The following TRAK1 variants were observed in gnomAD, a reference collection of about 807,000 sequenced individuals.
TRAK1 encodes trafficking kinesin-binding protein 1.
In TRAK1, 33 loss-of-function variants were observed where a neutral mutation model predicts 92.1. The ratio of observed to expected loss-of-function variants is 0.36; its 90% CI spans 0.27 to 0.48. The LOEUF (loss-of-function observed/expected upper bound fraction) is 0.48. TRAK1 is among the 20% of genes least tolerant of loss of function. TRAK1 has a pLI of 0.99. For synonymous variants in TRAK1, 521 were observed against 517.3 expected (o/e 1.01, Z -0.10); for missense variants, 1,123 against 1,257.9 (o/e 0.89, Z 1.62).
intron 2 of TRAK1, among the ~76,000 whole-genome samples, chr3:42,159,619 A>G (rs1189782397): frequency 6.6e-6 from 1 of 152,232 alleles, no homozygotes; most frequent in African/African-American, 2.4e-5. Context: ...GATTTAGGGT[A>G]AGAGCAGGAT....
rs183880245 is a variant in TRAK1 at position 42,127,290 on chromosome 3, T to A, written c.286+1676T>A. Among the ~76,000 whole-genome samples the A allele has an allele frequency of 6.6e-5, 10 of 152,228 alleles. No homozygotes were observed. The East Asian group carries it at 1.9e-3, about 29-fold the overall frequency. On this transcript the variant is annotated intron_variant, in intron 2 of 15. Transcript: ENST00000327628. ...TCCTTAGGAGACCCTCTTGTGATTC[T>A]GCAGTACCTATCATGGCCATTTCTC...
upstream of TRAK1, among the ~76,000 whole-genome samples, chr3:42,090,707 C>CA (rs780874207): frequency 1.3e-3 from 200 of 152,170 alleles, 1 homozygote; most frequent in East Asian, 9.6e-4. Flanking sequence ...ACAGCAACAA[C>CA]AAAAAACACA....
At chr3:42,219,469 A>G (rs1236292009) in intron 14 of TRAK1, 25 bp from the exon 15 acceptor site, 5 of 1,613,732 alleles carry the variant, frequency 3.1e-6, no homozygotes, top group Non-Finnish European at 4.2e-6. Flanking sequence ...GATGCAAGGA[A>G]TATGTTTTGT....
At chr3:42,152,888 G>T (rs1700109765) in intron 2 of TRAK1, among the ~76,000 whole-genome samples, 1 of 152,152 alleles carries the variant, frequency 6.6e-6, no homozygotes, top group Admixed American at 6.5e-5. Context: ...TGTACTTCAT[G>T]TGGCCATGTG....
rs1707809597 is a variant in TRAK1, at chr3:42,202,768, C to T, written c.1744+16C>T. 2 of 1,612,718 alleles carry T rather than the reference C, an allele frequency of 1.2e-6. No individual in the cohort carries two copies. The highest frequency in any genetic ancestry group is 1.7e-6 in the Non-Finnish European group (2 of 1,179,070). ...CCGCTGGAAGGTGATCACGCGGGGC[C>T]TCGGCCCCTCTCTGTCCTCCTGGGG... On this transcript the variant is annotated intron_variant, in intron 13 of 15. Transcript: ENST00000327628. The surrounding 1 kb of genome is among the most constrained non-coding windows in gnomAD (Gnocchi z 6.1).
chr3:42,202,374 C>G lies in TRAK1; in HGVS notation c.1428-62C>G. Reference sequence around the variant, plus strand: ...CGTCCACCGCTGTGCATTGAGCAGTCGGGCCTCTGTGGCCTTGGAGCCCTG... The same window carrying G: ...CGTCCACCGCTGTGCATTGAGCAGTGGGGCCTCTGTGGCCTTGGAGCCCTG... On this transcript the variant is annotated intron_variant, in intron 12 of 15. Transcript: ENST00000327628. This position sits in a 1 kb window ranked among gnomAD's most constrained non-coding sequence, Gnocchi z 6.1. The G allele has an allele frequency of 7.0e-7, 1 of 1,435,236 alleles. No individual in the cohort carries two copies. The highest frequency in any genetic ancestry group is 1.8e-5 in the South Asian group (1 of 56,596). The allele number at this position is 1,435,236 out of a possible 1,614,324, so 88.9% of individuals were successfully genotyped here.
chr3:42,160,198 C>T, intron 2 of TRAK1: 2 of 1,343,294 alleles, frequency 1.5e-6, no homozygotes, highest in East Asian at 3.0e-5. Flanking sequence ...GCTTTGTGTA[C>T]ACCCCTCCAC....
At chr3:42,125,317 G>C in intron 1 of TRAK1, 103 bp from the exon 2 acceptor site, 1 of 1,015,372 alleles carries the variant, frequency 9.8e-7, no homozygotes, top group Non-Finnish European at 1.4e-6. Context: ...TTGTGCTGTA[G>C]ATAAATAACC....
Position 42,193,905 on chromosome 3 carries a change from A to C in TRAK1, c.975+7A>C, listed in dbSNP as rs1706193190. 2.5e-6 allele frequency: 4 copies of C among 1,612,882 alleles called. No homozygotes were observed. The African/African-American group carries it at 5.3e-5, about 22-fold the overall frequency. ...GCGGCAGCTCACAGCCGAGGTGAGC[A>C]CCTCTCCCTCATTCCTTCAGTGCCT... On this transcript the variant is annotated splice_region_variant and intron_variant, in intron 9 of 15. Coordinates refer to ENST00000327628, the MANE Select transcript of TRAK1 (RefSeq NM_001042646.3).
At chr3:42,093,648 TCCCC>T (rs1705431309) in intron 1 of TRAK1, among the ~76,000 whole-genome samples, 1 of 67,172 alleles carries the variant, frequency 1.5e-5, no homozygotes, top group African/African-American at 5.5e-5. Context: ...CTCTTTTTTC[TCCCC>T]TTCCCTTCCC....
intron 1 of TRAK1, 80 bp from the exon 2 acceptor site, chr3:42,125,340 C>T (rs796256629): frequency 1.3e-5 from 17 of 1,322,178 alleles, no homozygotes; most frequent in Middle Eastern, 2.3e-4. Context: ...AGATACCTGC[C>T]GCAGGCTACA....
At position 42,069,320 on chromosome 3, in the gene TRAK1, C is replaced by CAAAA. The variant is rs67809792; in HGVS notation, c.-518-17776_-518-17773dup. Among the ~76,000 whole-genome samples the CAAAA allele has an allele frequency of 2.8e-4, 38 of 137,276 alleles. 4 individuals are homozygous for CAAAA. Among genetic ancestry groups the CAAAA allele is most frequent in the Non-Finnish European group, 3.9e-4 (25 of 64,226 alleles). The allele number at this position is 137,276 out of a possible 152,430, so 90.1% of individuals were successfully genotyped here. ...TGGGTGACACAGCAAGACCCTGTCTCAAAAAAAAAAAGAAAAAAGAAAAGT... is the reference window on the plus strand; with the variant it reads ...TGGGTGACACAGCAAGACCCTGTCTCAAAAAAAAAAAAAAAGAAAAAAGAAAAGT... On this transcript the variant is annotated intron_variant, in intron 1 of 16. Transcript: ENST00000487159.
At chr3:42,043,624 G>A (rs932773988) in intron 1 of TRAK1, among the ~76,000 whole-genome samples, 9 of 151,480 alleles carry the variant, frequency 5.9e-5, no homozygotes, top group Admixed American at 1.3e-4. Context: ...CTGGGGGGGG[G>A]GCGGGGGGAG....
chr3:42,208,555 G>A (rs925458906), intron 13 of TRAK1, among the ~76,000 whole-genome samples: 5 of 152,050 alleles, frequency 3.3e-5, no homozygotes, highest in African/African-American at 7.2e-5. Context: ...CCTTTTCTTC[G>A]CTCCCCAGGG....
intron 1 of TRAK1, among the ~76,000 whole-genome samples, chr3:42,077,964 C>T (rs1352373274): frequency 3.3e-5 from 5 of 152,216 alleles, no homozygotes; most frequent in Non-Finnish European, 5.9e-5. Context: ...CACCCACTTT[C>T]GTTGTGTCTA....
Position 42,091,545 on chromosome 3 carries a change from C to A in TRAK1, c.76C>A (p.Arg26=). The A allele has an allele frequency of 1.2e-6, 2 of 1,612,486 alleles. No individual in the cohort carries two copies. Among genetic ancestry groups the A allele is most frequent in the Non-Finnish European group, 1.7e-6 (2 of 1,179,608 alleles). The change falls in exon 1 of 16, where the codon CGG becomes AGG. Residue 26 remains arginine, a synonymous_variant. Transcript: ENST00000327628. ...AGGACTCTGCCACGGCAAGCTCATTCGGACAAACGCCTGTGGTAAGTTTGT... is the reference window on the plus strand; with the variant it reads ...AGGACTCTGCCACGGCAAGCTCATTAGGACAAACGCCTGTGGTAAGTTTGT... ...LPGLCHGKLI[R]TNACDVCNST...
chr3:42,204,689 A>G (rs1023680858), intron 13 of TRAK1, among the ~76,000 whole-genome samples: 5 of 152,122 alleles, frequency 3.3e-5, no homozygotes, highest in Admixed American at 6.5e-5. Flanking sequence ...GGCTCAAGCA[A>G]TCCTCCCGCC....
intron 9 of TRAK1, 144 bp downstream of exon 9, chr3:42,194,042 C>A: frequency 1.3e-6 from 1 of 795,280 alleles, no homozygotes; most frequent in Non-Finnish European, 2.0e-6. Flanking sequence ...AGAGTAAACC[C>A]AGTTGCACCT....
chr3:42,125,674 G>A (rs1026643256), intron 2 of TRAK1, 60 bp downstream of exon 2: 1 of 1,571,070 alleles, frequency 6.4e-7, no homozygotes, highest in African/African-American at 1.4e-5. Flanking sequence ...TCTTAGCCAT[G>A]GCCCCAAATA....
Sources: gnomAD v4.1 joint callset for allele counts (sites outside exome capture counted in the v4.1 genomes callset) on GRCh38, gnomAD v4.1.1 for gene constraint, Gnocchi (gnomAD v3.1) non-coding constraint, MANE v1.5 for transcripts, NCBI Gene and HGNC (gene_info 2026-07-23, HGNC 2026-07-21) for gene names.